CDC73: variants seen among roughly 807,000 people sequenced by gnomAD.
The protein encoded by CDC73 is parafibromin.
Under a neutral mutation model 83.7 loss-of-function variants are expected in CDC73, and 21 were observed. The observed-to-expected ratio is 0.25, with a 90% CI of 0.18 to 0.36. CDC73 has a LOEUF of 0.36. Among genes scored for constraint, CDC73 ranks in the 10% least tolerant of loss-of-function variants. CDC73 has a pLI of 1.00. For missense variants in CDC73, 342 were observed against 653.3 expected, an observed-to-expected ratio of 0.52 and a Z score of 5.19; for synonymous variants, 224 against 212.9, an observed-to-expected ratio of 1.05 and a Z score of -0.45.
At chr1:193,237,181 G>GT (rs1402513066) in intron 15 of CDC73, 1 of 151,898 alleles carries the variant, frequency 6.6e-6, no homozygotes, top group African/African-American at 2.4e-5. Flanking sequence ...CCACCCATTA[G>GT]TTATTATGAA....
At chr1:193,177,859 T>A (rs2103155552) in intron 10 of CDC73, among the ~76,000 whole-genome samples, 1 of 152,320 alleles carries the variant, frequency 6.6e-6, no homozygotes, top group South Asian at 2.1e-4. Context: ...TTGGTTGAAT[T>A]AGAATTTCAC....
rs1358174472 is a variant in CDC73 at position 193,122,048 on chromosome 1, T to C, written c.-153T>C. 2 of 701,584 alleles carry C rather than the reference T, an allele frequency of 2.9e-6. No individual in the cohort carries two copies. Among genetic ancestry groups the C allele is most frequent in the African/African-American group, 1.8e-5 (1 of 56,568 alleles). 43.5% of individuals were successfully genotyped at this position (701,584 alleles called of 1,614,324 possible). On this transcript the variant is annotated 5_prime_UTR_variant, in exon 1 of 17. Transcript: ENST00000367435. ...CCTGGGTGGCTACTGCCCCTGCTGC[T>C]GTCGTAGGCGAGGACGGCTGTTAGT...
chr1:193,158,219 T>C (rs1676241918), intron 10 of CDC73, among the ~76,000 whole-genome samples: 1 of 152,132 alleles, frequency 6.6e-6, no homozygotes, highest in South Asian at 2.1e-4. Context: ...AACAACTATG[T>C]ATGTTTATCT....
chr1:193,204,205 G>A (rs1403423149), intron 11 of CDC73, among the ~76,000 whole-genome samples: 3 of 13,966 alleles, frequency 2.1e-4, no homozygotes, highest in East Asian at 6.4e-4. Context: ...ATATATATAC[G>A]TGTATATATA....
At chr1:193,201,419 A>G (rs1677089867) in intron 10 of CDC73, among the ~76,000 whole-genome samples, 1 of 152,144 alleles carries the variant, frequency 6.6e-6, no homozygotes, top group South Asian at 2.1e-4. Context: ...CTGCCAATGC[A>G]TTTTCTCCAT....
intron 10 of CDC73, among the ~76,000 whole-genome samples, chr1:193,174,528 T>C (rs910145975): frequency 3.3e-5 from 5 of 152,210 alleles, no homozygotes; most frequent in Non-Finnish European, 5.9e-5. Context: ...TTCCATACTT[T>C]CATATGGGTG....
intron 10 of CDC73, among the ~76,000 whole-genome samples, chr1:193,195,777 C>T (rs954611028): frequency 6.6e-6 from 1 of 152,092 alleles, no homozygotes; most frequent in Non-Finnish European, 1.5e-5. Flanking sequence ...GGTGTATTTT[C>T]ATGCACTTAT....
intron 10 of CDC73, among the ~76,000 whole-genome samples, chr1:193,163,292 G>GC (rs1676375038): frequency 6.6e-6 from 1 of 151,610 alleles, no homozygotes; most frequent in Admixed American, 6.6e-5. Flanking sequence ...GATTCCTTGA[G>GC]CCCAGAAGTT....
At chr1:193,174,801 C>G (rs896648033) in intron 10 of CDC73, among the ~76,000 whole-genome samples, 5 of 152,186 alleles carry the variant, frequency 3.3e-5, no homozygotes, top group Non-Finnish European at 7.4e-5. Context: ...GTAGACCTTA[C>G]TTGCTGACAT....
At chr1:193,141,428 C>A (rs989831223) in intron 6 of CDC73, among the ~76,000 whole-genome samples, 24 of 152,114 alleles carry the variant, frequency 1.6e-4, no homozygotes, top group African/African-American at 5.3e-4. Flanking sequence ...AAGTTTGAAA[C>A]CTTGAAATAA....
At chr1:193,181,243 TGTG>T (rs1483934633) in intron 10 of CDC73, 5 of 1,614,076 alleles carry the variant, frequency 3.1e-6, no homozygotes, top group South Asian at 1.1e-5. Context: ...TGTAACTCCT[TGTG>T]GTGACAGGTC....
chr1:193,156,033 T>C (rs189904820), intron 10 of CDC73, among the ~76,000 whole-genome samples: 6 of 152,318 alleles, frequency 3.9e-5, no homozygotes, highest in Non-Finnish European at 1.5e-5. Context: ...AATAACAATA[T>C]ATTTTCATGG....
At chr1:193,216,894 C>G (rs1478922333) in intron 13 of CDC73, among the ~76,000 whole-genome samples, 54 of 152,218 alleles carry the variant, frequency 3.5e-4, no homozygotes, top group Non-Finnish European at 2.9e-5. Context: ...CCTAAAATCC[C>G]TTCATGTTAA....
chr1:193,197,857 G>A (rs1307082254), intron 10 of CDC73, among the ~76,000 whole-genome samples: 1 of 150,740 alleles, frequency 6.6e-6, no homozygotes, highest in Non-Finnish European at 1.5e-5. Flanking sequence ...ACTGGGAGGT[G>A]GAGGTTGCAG....
intron 10 of CDC73, among the ~76,000 whole-genome samples, chr1:193,197,250 A>C (rs552999235): frequency 6.6e-6 from 1 of 151,988 alleles, no homozygotes; most frequent in African/African-American, 2.4e-5. Flanking sequence ...TAATACATTG[A>C]TTTTTCATAT....
At chr1:193,136,632 G>A (rs763601389) in intron 5 of CDC73, 1 of 195,304 alleles carries the variant, frequency 5.1e-6, no homozygotes, top group Admixed American at 4.9e-5. Flanking sequence ...TTGGAACCTT[G>A]GCAGTCTGGT....
Position 193,251,740 on chromosome 1 carries a change from A to T in CDC73, c.*1028A>T, listed in dbSNP as rs1678046566. ...CAATATGGTATAAAATATAAAAACT[A>T]TATTTTAACTTAGTGAAATATTTTA... On this transcript the variant is annotated 3_prime_UTR_variant, in exon 17 of 17. Coordinates refer to ENST00000367435, the MANE Select transcript of CDC73 (RefSeq NM_024529.5). The T allele has an allele frequency of 4.3e-6, 1 of 231,936 alleles. No homozygotes were observed. Among genetic ancestry groups the T allele is most frequent in the Non-Finnish European group, 8.5e-6 (1 of 117,004 alleles). 14.4% of individuals were successfully genotyped at this position (231,936 alleles called of 1,614,324 possible). A position where few individuals can be genotyped will look rare whatever the true frequency, so the allele number is the denominator to read the frequency against.
intron 10 of CDC73, among the ~76,000 whole-genome samples, chr1:193,192,620 G>A (rs1170766297): frequency 6.6e-6 from 1 of 152,138 alleles, no homozygotes; most frequent in African/African-American, 2.4e-5. Flanking sequence ...GGAACTTTGC[G>A]AAGTGCCGGG....
intron 13 of CDC73, among the ~76,000 whole-genome samples, chr1:193,216,817 T>G (rs1045285486): frequency 6.6e-5 from 10 of 152,132 alleles, no homozygotes; most frequent in Admixed American, 6.5e-4. Flanking sequence ...ACATGATTCG[T>G]CACATAAACA....
Sources: allele counts gnomAD v4.1 joint callset (sites outside exome capture counted in the v4.1 genomes callset), GRCh38; gene constraint gnomAD v4.1.1; transcripts MANE v1.5; gene names NCBI Gene and HGNC (gene_info 2026-07-23, HGNC 2026-07-21).